Variants in CSMD2 observed in about 807,000 individuals in gnomAD.
CSMD2 encodes CUB and Sushi multiple domains 2, also known as CUB and sushi domain-containing protein 2.
Under a neutral mutation model 398.5 loss-of-function variants are expected in CSMD2, and 130 were observed. That is an observed-to-expected ratio of 0.33 (90% CI 0.28 to 0.38). The LOEUF (loss-of-function observed/expected upper bound fraction) is 0.38, where lower values mean the gene tolerates loss of function less well. Among genes scored for constraint, CSMD2 ranks in the 10% least tolerant of loss-of-function variants. The pLI, the probability that CSMD2 is intolerant of heterozygous loss-of-function variation, is 1.00. For missense variants in CSMD2, 3,829 were observed against 4,764.9 expected (o/e 0.80, Z 5.78); for synonymous variants, 1,828 against 1,908.5 (o/e 0.96, Z 1.10).
At chr1:34,107,622 G>A (rs1035469554) in intron 1 of CSMD2, among the ~76,000 whole-genome samples, 3 of 152,168 alleles carry the variant, frequency 2.0e-5, no homozygotes, top group Admixed American at 2.0e-4. Context: ...CATAGATGAT[G>A]GATGGATAGG....
intron 1 of CSMD2, among the ~76,000 whole-genome samples, chr1:34,117,125 C>T (rs916493635): frequency 6.6e-6 from 1 of 151,398 alleles, no homozygotes; most frequent in African/African-American, 2.4e-5. Context: ...TCAAAAGGAA[C>T]AAAATCATAA....
At position 33,559,379 on chromosome 1, in the gene CSMD2, A is replaced by G; in HGVS notation, c.8475T>C (p.Pro2825=). The G allele has an allele frequency of 6.5e-7, 1 of 1,536,142 alleles. No individual in the cohort carries two copies. Among genetic ancestry groups the G allele is most frequent in the East Asian group, 2.4e-5 (1 of 40,922 alleles). The change falls in exon 54 of 71, where the codon CCT becomes CCC. Residue 2825 remains proline, a synonymous_variant. Transcript: ENST00000373381. This position sits in a 1 kb window ranked among gnomAD's most constrained non-coding sequence, Gnocchi z 4.0. ...LNDVVKFVCN[P]GYMAEGAARS... ...TAGCAGCCCCCTCAGCCATATACCC[A>G]GGGTTGCAAACAAACTTGACCACAT...
intron 57 of CSMD2, among the ~76,000 whole-genome samples, chr1:33,544,709 A>G (rs1457189957): frequency 1.3e-5 from 2 of 152,042 alleles, no homozygotes; most frequent in Non-Finnish European, 1.5e-5. Flanking sequence ...AAGGGCATGG[A>G]CATGCAGTTA....
intron 16 of CSMD2, 124 bp downstream of exon 16, chr1:33,726,423 G>T: frequency 1.7e-6 from 2 of 1,201,652 alleles, no homozygotes; most frequent in Non-Finnish European, 2.3e-6. Context: ...TTGGTCCAGT[G>T]TTCTCCAACC....
At chr1:33,793,067 C>A (rs1353735658) in intron 10 of CSMD2, among the ~76,000 whole-genome samples, 1 of 152,232 alleles carries the variant, frequency 6.6e-6, no homozygotes, top group Non-Finnish European at 1.5e-5. Context: ...ACTAAGCACT[C>A]CCCATATGCC....
upstream of CSMD2, chr1:34,165,748 A>C (rs779112157): frequency 6.2e-7 from 1 of 1,613,958 alleles, no homozygotes; most frequent in Non-Finnish European, 8.5e-7. Context: ...GGCTCTTACC[A>C]GCTGATCTTG....
chr1:34,042,697 G>A (rs1247879304), intron 2 of CSMD2, among the ~76,000 whole-genome samples: 1 of 152,132 alleles, frequency 6.6e-6, no homozygotes, highest in East Asian at 1.9e-4. Flanking sequence ...TGGGTGACGT[G>A]GCCCGAGGCT....
At chr1:34,082,427 C>T (rs1306483600) in intron 2 of CSMD2, among the ~76,000 whole-genome samples, 32 of 151,834 alleles carry the variant, frequency 2.1e-4, no homozygotes, top group Admixed American at 1.5e-3. Context: ...GGGGCGCCCC[C>T]GCCTGGCAGC....
intron 1 of CSMD2, among the ~76,000 whole-genome samples, chr1:34,110,813 G>T (rs1397858868): frequency 6.6e-6 from 1 of 152,074 alleles, no homozygotes; most frequent in Non-Finnish European, 1.5e-5. Context: ...ATATCTAGGT[G>T]ACAAAATAAT....
rs547129029 is a variant in CSMD2, at chr1:34,102,472, C to A, written c.188-13279G>T. Among the ~76,000 whole-genome samples, 5 of 152,306 alleles carry A rather than the reference C, an allele frequency of 3.3e-5. No individual in the cohort carries two copies. The South Asian group carries it at 6.2e-4, about 19-fold the overall frequency. The stretch of plus-strand genomic sequence containing the variant: ...CTCAACATAAAAGCCAAAGTCCTCA[C>A]CATAGTCCTCAAAGCTTTAAATGAA... On this transcript the variant is annotated intron_variant, in intron 1 of 70. Transcript: ENST00000373381.
chr1:33,777,128 G>A (rs1490687412), intron 12 of CSMD2, among the ~76,000 whole-genome samples: 1 of 152,208 alleles, frequency 6.6e-6, no homozygotes, highest in Non-Finnish European at 1.5e-5. Flanking sequence ...AAGCATACGA[G>A]CCCCTCTCAA....
rs762525967 is a variant in CSMD2 at position 33,864,803 on chromosome 1, T to C, written c.921-17807A>G. 5.4e-6 allele frequency: 8 copies of C among 1,471,036 alleles called. No homozygotes were observed. The Admixed American group carries it at 1.5e-4, about 28-fold the overall frequency. 91.1% of individuals were successfully genotyped at this position (1,471,036 alleles called of 1,614,324 possible). ...GCCATTCAACCGTATTTCCTGTTCCTGGTCTCATGTGTGGCATTAGAGTAG... is the reference window on the plus strand; with the variant it reads ...GCCATTCAACCGTATTTCCTGTTCCCGGTCTCATGTGTGGCATTAGAGTAG... On this transcript the variant is annotated intron_variant, in intron 5 of 70. Transcript: ENST00000373381.
In CSMD2 at chr1:33,572,629, C is replaced by T. The variant is rs368587671; in HGVS notation, c.7639G>A (p.Val2547Met). The change falls in exon 50 of 71, where the codon GTG becomes ATG. Residue 2547 changes from valine (V) to methionine (M), a missense_variant. This residue lies in a region of CSMD2 where 723 missense variants were observed against 758.6 expected (regional missense o/e 0.95). Transcript: ENST00000373381. The part of the protein sequence containing the change: ...NGMVFGKEYT[V>M]GTKAMYSCSE... ...CAGCTGTACATGGCCTTGGTTCCCA[C>T]TGTGTACTCCTTGCCAAACACCATT... The T allele has an allele frequency of 2.5e-6, 4 of 1,613,944 alleles. No individual in the cohort carries two copies. The African/African-American group carries it at 4.0e-5, about 16-fold the overall frequency.
At chr1:33,992,855 C>T (rs1174718303) in intron 3 of CSMD2, among the ~76,000 whole-genome samples, 13 of 134,624 alleles carry the variant, frequency 9.7e-5, no homozygotes, top group South Asian at 5.0e-4. Flanking sequence ...CCAGCCTGGG[C>T]GACAGAGTGA....
intron 1 of CSMD2, among the ~76,000 whole-genome samples, chr1:34,159,322 C>T (rs1484269577): frequency 9.3e-6 from 1 of 107,102 alleles, no homozygotes; most frequent in African/African-American, 4.2e-5. Flanking sequence ...AATGACTTTA[C>T]AGCCTGCCCC....
chr1:33,920,648 A>G (rs1158719450), intron 4 of CSMD2, among the ~76,000 whole-genome samples: 1 of 151,866 alleles, frequency 6.6e-6, no homozygotes, highest in Non-Finnish European at 1.5e-5. Flanking sequence ...AGGCCGCTGT[A>G]AGGATGTGGA....
At chr1:34,039,883 TG>T (rs1651636728) in intron 2 of CSMD2, among the ~76,000 whole-genome samples, 1 of 152,180 alleles carries the variant, frequency 6.6e-6, no homozygotes, top group Admixed American at 6.5e-5. Context: ...CCAGGCATAG[TG>T]GCTCACACCT....
chr1:33,830,961 A>G (rs1410512923), intron 6 of CSMD2, among the ~76,000 whole-genome samples: 4 of 152,200 alleles, frequency 2.6e-5, no homozygotes. Context: ...AGTTTAGAGA[A>G]AAAAGAATAA....
intron 1 of CSMD2, among the ~76,000 whole-genome samples, chr1:34,134,043 A>C: frequency 1.8e-5 from 2 of 108,646 alleles, no homozygotes; most frequent in Admixed American, 1.2e-4. Flanking sequence ...ACAGAGTGAG[A>C]CTCTGTCTCA....
Sources: gnomAD v4.1 joint callset for allele counts (sites outside exome capture counted in the v4.1 genomes callset) on GRCh38, gnomAD v4.1.1 for gene constraint, gnomAD v4.1.1 regional missense constraint, Gnocchi (gnomAD v3.1) non-coding constraint, MANE v1.5 for transcripts, NCBI Gene and HGNC (gene_info 2026-07-23, HGNC 2026-07-21) for gene names.